Variants in GRIN3A observed in about 807,000 individuals in gnomAD.
The protein encoded by GRIN3A is glutamate receptor ionotropic, NMDA 3A.
In GRIN3A, 47 loss-of-function variants were observed where a neutral mutation model predicts 92.4. The ratio of observed to expected loss-of-function variants is 0.51; its 90% CI spans 0.40 to 0.65. GRIN3A has a LOEUF of 0.65. GRIN3A is among the 30% of genes least tolerant of loss of function. GRIN3A has a pLI of 0.00. For missense variants in GRIN3A, 1,324 were observed against 1,393.1 expected, an observed-to-expected ratio of 0.95 and a Z score of 0.79; for synonymous variants, 527 against 540.6, an observed-to-expected ratio of 0.97 and a Z score of 0.35.
At chr9:101,585,108 A>T (rs1046763368) in intron 6 of GRIN3A, among the ~76,000 whole-genome samples, 2 of 151,882 alleles carry the variant, frequency 1.3e-5, no homozygotes, top group Non-Finnish European at 2.9e-5. Flanking sequence ...CCCTCCCATC[A>T]CCTGTCAAAC....
intron 6 of GRIN3A, among the ~76,000 whole-genome samples, chr9:101,610,041 G>C (rs181208699): frequency 2.6e-4 from 39 of 152,282 alleles, no homozygotes; most frequent in Non-Finnish European, 3.7e-4. Context: ...ATGTTGACTT[G>C]AGTCAGCTAT....
chr9:101,601,745 A>G (rs1036390958), intron 6 of GRIN3A, among the ~76,000 whole-genome samples: 1 of 152,026 alleles, frequency 6.6e-6, no homozygotes, highest in African/African-American at 2.4e-5. Flanking sequence ...TCATCATCAC[A>G]TGGTGCTCTC....
intron 3 of GRIN3A, among the ~76,000 whole-genome samples, chr9:101,638,608 A>G (rs1298000521): frequency 6.6e-6 from 1 of 152,248 alleles, no homozygotes; most frequent in Non-Finnish European, 1.5e-5. Context: ...ATTAATAACC[A>G]TAATGGTGAT....
chr9:101,657,993 G>A (rs1829112771), intron 3 of GRIN3A, among the ~76,000 whole-genome samples: 1 of 151,958 alleles, frequency 6.6e-6, no homozygotes, highest in Non-Finnish European at 1.5e-5. Context: ...TTTGTGGTAT[G>A]AGCAGCTTTT....
At chr9:101,686,094 G>T (rs1738592043) in intron 2 of GRIN3A, among the ~76,000 whole-genome samples, 1 of 151,956 alleles carries the variant, frequency 6.6e-6, no homozygotes, top group African/African-American at 2.4e-5. Flanking sequence ...TCCATTTCTT[G>T]CTTGACTAAT....
In GRIN3A at chr9:101,598,897, A is replaced by T. The variant is rs532547760; in HGVS notation, c.2766+14479T>A. Among the ~76,000 whole-genome samples, 4 of 152,308 alleles carry T rather than the reference A, an allele frequency of 2.6e-5. No homozygotes were observed. The East Asian group carries it at 7.7e-4, about 29-fold the overall frequency. ...ATGCAGTAACCAACATCACTGGCCCATCAGGCACTCTTATGGATTCCTCAC... is the reference window on the plus strand; with the variant it reads ...ATGCAGTAACCAACATCACTGGCCCTTCAGGCACTCTTATGGATTCCTCAC... On this transcript the variant is annotated intron_variant, in intron 6 of 8. Coordinates refer to ENST00000361820, the MANE Select transcript of GRIN3A (RefSeq NM_133445.3).
intron 5 of GRIN3A, among the ~76,000 whole-genome samples, chr9:101,620,908 T>A (rs946645990): frequency 2.0e-5 from 3 of 152,114 alleles, no homozygotes; most frequent in Non-Finnish European, 2.9e-5. Context: ...CAAAAATTCA[T>A]GAAATTATTT....
chr9:101,652,365 A>G (rs1311445790), intron 3 of GRIN3A, among the ~76,000 whole-genome samples: 4 of 152,008 alleles, frequency 2.6e-5, no homozygotes, highest in Admixed American at 2.6e-4. Flanking sequence ...TGGCATGGGC[A>G]GTTCTCATGT....
Position 101,738,385 on chromosome 9 carries a change from C to T in GRIN3A, c.-406G>A, listed in dbSNP as rs1334677433. The T allele has an allele frequency of 1.2e-5, 3 of 256,598 alleles. No individual in the cohort carries two copies. In the South Asian group the frequency reaches 1.4e-4, roughly 12 times the overall value. The allele number at this position is 256,598 out of a possible 1,614,324, so 15.9% of individuals were successfully genotyped here. A position where few individuals can be genotyped will look rare whatever the true frequency, so the allele number is the denominator to read the frequency against. On this transcript the variant is annotated 5_prime_UTR_variant, in exon 1 of 9. Transcript: ENST00000361820. ...GGGGGCAGCAGTGACAGAGGAGCGA[C>T]GCGCTCTCGCCTGGATTCTTTTCCT... is the stretch of plus-strand genomic sequence containing the variant.
At position 101,630,626 on chromosome 9, in the gene GRIN3A, T is replaced by A. The variant is rs370067241; in HGVS notation, c.2353-2225A>T. Among the ~76,000 whole-genome samples the A allele has an allele frequency of 3.9e-5, 6 of 152,348 alleles. No individual in the cohort carries two copies. In the East Asian group the frequency reaches 9.6e-4, roughly 24 times the overall value. Reference sequence around the variant, plus strand: ...TAACATTGCTTCTGATACTATATCATACTGACTCCCTCTGTCTGGATTTGC... The same window carrying A: ...TAACATTGCTTCTGATACTATATCAAACTGACTCCCTCTGTCTGGATTTGC... On this transcript the variant is annotated intron_variant, in intron 3 of 8. Coordinates refer to ENST00000361820, the MANE Select transcript of GRIN3A (RefSeq NM_133445.3).
chr9:101,690,470 T>C (rs2506355), intron 1 of GRIN3A, among the ~76,000 whole-genome samples: 120,174 of 152,026 alleles, frequency 0.79, 47,969 homozygotes, highest in African/African-American at 0.87. Context: ...GGGGAATGTG[T>C]GTGCTGCCAT....
intron 8 of GRIN3A, among the ~76,000 whole-genome samples, chr9:101,574,029 G>T (rs1457637329): frequency 6.6e-6 from 1 of 152,018 alleles, no homozygotes; most frequent in Non-Finnish European, 1.5e-5. Flanking sequence ...GAGAAAAAAA[G>T]CATATAAGCC....
chr9:101,686,982 G>A lies in GRIN3A; in HGVS notation c.918C>T (p.Asp306=). The change falls in exon 2 of 9, where the codon GAC becomes GAT. Residue 306 remains aspartate, a synonymous_variant. Transcript: ENST00000361820. ...NITANLPSTQ[D]LLSFLQIQLE... ...GCTGGATCTGTAGGAAGCTCAAGAG[G>A]TCCTGGGTGGAGGGGAGGTTAGCGG... 6.2e-7 allele frequency: 1 copy of A among 1,614,216 alleles called. No individual in the cohort carries two copies.
At chr9:101,715,404 C>T (rs1354762794) in intron 1 of GRIN3A, among the ~76,000 whole-genome samples, 1 of 152,056 alleles carries the variant, frequency 6.6e-6, no homozygotes, top group Non-Finnish European at 1.5e-5. Context: ...TGCCTATAAT[C>T]CTAGCACTTT....
intron 2 of GRIN3A, among the ~76,000 whole-genome samples, chr9:101,679,168 T>C (rs888050659): frequency 2.6e-5 from 4 of 152,196 alleles, no homozygotes; most frequent in African/African-American, 4.8e-5. Flanking sequence ...GGTATGCAGA[T>C]TGAAGTGGTC....
rs769008436 is a variant in GRIN3A at position 101,737,790 on chromosome 9, C to A, written c.190G>T (p.Ala64Ser). Residue 64 changes from alanine to serine, a missense_variant, in exon 1 of 9, where the codon GCG (alanine) becomes TCG (serine). Physicochemically the swap from Ala to Ser is moderately conservative, Grantham distance 99. Transcript: ENST00000361820. ...CTGTCGTCCGGAGCGCGGCTGGCCG[C>A]GCGGGGGGCGGTGGTCCAGGGCTGC... ...HLQPWTTAPR[A>S]ASRAPDDSRA... 1.3e-6 allele frequency: 2 copies of A among 1,528,054 alleles called. No individual in the cohort carries two copies. The highest frequency in any genetic ancestry group is 1.4e-5 in the African/African-American group (1 of 72,584). 94.7% of individuals were successfully genotyped at this position (1,528,054 alleles called of 1,614,324 possible).
intron 4 of GRIN3A, among the ~76,000 whole-genome samples, chr9:101,624,650 G>A (rs1828606964): frequency 6.6e-6 from 1 of 152,088 alleles, no homozygotes; most frequent in Non-Finnish European, 1.5e-5. Context: ...TTGGTTCCAA[G>A]TCTTTGCTAT....
rs538709566 is a variant in GRIN3A, at chr9:101,667,268, A to G, written c.2352+2792T>C. ...TTATATTACAAAATAGGTATACTTT[A>G]TAGGTAATATAAAGTATTACCTCCA... On this transcript the variant is annotated intron_variant, in intron 3 of 8. Coordinates refer to ENST00000361820, the MANE Select transcript of GRIN3A (RefSeq NM_133445.3). Among the ~76,000 whole-genome samples the G allele has an allele frequency of 3.9e-5, 6 of 152,036 alleles. No individual in the cohort carries two copies. In the East Asian group the frequency reaches 7.8e-4, roughly 20 times the overall value.
chr9:101,662,675 T>C (rs919151885), intron 3 of GRIN3A, among the ~76,000 whole-genome samples: 7 of 151,858 alleles, frequency 4.6e-5, no homozygotes, highest in African/African-American at 1.4e-4. Context: ...GGGATTTTGA[T>C]TGAAGTTGCC....
Sources: gnomAD v4.1 joint callset for allele counts (sites outside exome capture counted in the v4.1 genomes callset) on GRCh38, gnomAD v4.1.1 for gene constraint, MANE v1.5 for transcripts, NCBI Gene and HGNC (gene_info 2026-07-23, HGNC 2026-07-21) for gene names.